The following ZFHX4 variants were observed in gnomAD, a reference collection of about 807,000 sequenced individuals.
ZFHX4 encodes the protein zinc finger homeobox 4.
ZFHX4 carries 56 observed loss-of-function variants against 267.6 expected under a neutral mutation model. The ratio of observed to expected loss-of-function variants is 0.21; its 90% confidence interval spans 0.17 to 0.26. The LOEUF is 0.26. Ranked by LOEUF, ZFHX4 falls within the 10% of genes least tolerant of loss-of-function variation. The pLI is 1.00. For synonymous variants in ZFHX4, 1,778 were observed against 1,665.6 expected, an observed-to-expected ratio of 1.07 and a Z score of -1.64; for missense variants, 4,332 against 4,420.0, an observed-to-expected ratio of 0.98 and a Z score of 0.56.
In ZFHX4 at chr8:76,704,284, G is replaced by C. The variant is rs56261025; in HGVS notation, c.196G>C (p.Val66Leu). 0.039 allele frequency: 63,399 copies of C among 1,613,926 alleles called. 1,459 individuals are homozygous for C. The highest frequency in any genetic ancestry group is 0.046 in the Non-Finnish European group (54,059 of 1,179,884). Residue 66 changes from valine (V) to leucine (L), a missense_variant, in exon 2 of 11, where the codon GTT becomes CTT. Coordinates refer to ENST00000651372, the MANE Select transcript of ZFHX4 (RefSeq NM_024721.5). ...RKSEALLGFS[V>L]ENAAATQVTS... ...AAGTGAAGCCTTGCTGGGTTTCAGC[G>C]TTGAGAATGCAGCTGCCACTCAGGT...
At chr8:76,751,959 G>T (rs1043252357) in intron 3 of ZFHX4, among the ~76,000 whole-genome samples, 8 of 152,118 alleles carry the variant, frequency 5.3e-5, no homozygotes, top group African/African-American at 1.9e-4. Flanking sequence ...AATGCTGAGA[G>T]TATATCTCAG....
Position 76,681,369 on chromosome 8 carries a change from C to T in ZFHX4, c.-298C>T. On this transcript the variant is annotated 5_prime_UTR_variant, in exon 1 of 11. Coordinates refer to ENST00000651372, the MANE Select transcript of ZFHX4 (RefSeq NM_024721.5). ...CCTTTCCTCCTTTTCCCAACCCCTT[C>T]ACAACCAAACAGCGAGACCGCGGTC... The T allele has an allele frequency of 5.0e-6, 2 of 398,988 alleles. No homozygotes were observed. The highest frequency in any genetic ancestry group is 8.8e-6 in the Non-Finnish European group (2 of 226,070). The allele number at this position is 398,988 out of a possible 1,614,324, so 24.7% of individuals were successfully genotyped here.
intron 3 of ZFHX4, among the ~76,000 whole-genome samples, chr8:76,770,772 C>T (rs925749518): frequency 3.9e-5 from 6 of 152,120 alleles, no homozygotes; most frequent in African/African-American, 1.4e-4. Context: ...AGGAGTAAGA[C>T]AGGTGAAGGG....
At chr8:76,728,485 C>A (rs1293995959) in intron 3 of ZFHX4, among the ~76,000 whole-genome samples, 3 of 152,146 alleles carry the variant, frequency 2.0e-5, no homozygotes, top group African/African-American at 7.2e-5. Context: ...TAAGAAATGG[C>A]CAAGAGGCAG....
intron 4 of ZFHX4, among the ~76,000 whole-genome samples, chr8:76,792,820 C>T (rs1269714440): frequency 6.6e-6 from 1 of 152,036 alleles, no homozygotes; most frequent in Non-Finnish European, 1.5e-5. Context: ...CTTTTTTTGA[C>T]ACCCCTGCCA....
rs138752424 is a variant in ZFHX4, at chr8:76,781,449, G to A, written c.3325+3010G>A. Reference sequence around the variant, plus strand: ...TACTATAGGACTGGGTCTTCAAAACGACAAAACAACCAATCATCAACTTGG... The same window carrying A: ...TACTATAGGACTGGGTCTTCAAAACAACAAAACAACCAATCATCAACTTGG... On this transcript the variant is annotated intron_variant, in intron 4 of 10. Coordinates refer to ENST00000651372, the MANE Select transcript of ZFHX4 (RefSeq NM_024721.5). Among the ~76,000 whole-genome samples, 71 of 151,984 alleles carry A rather than the reference G, an allele frequency of 4.7e-4. No homozygotes were observed. The East Asian group carries it at 0.012, about 26-fold the overall frequency.
At chr8:76,689,690 T>C (rs1321916553) in intron 1 of ZFHX4, among the ~76,000 whole-genome samples, 3 of 152,214 alleles carry the variant, frequency 2.0e-5, no homozygotes, top group Non-Finnish European at 4.4e-5. Context: ...CCTTGAAAGT[T>C]TGATATGGTT....
chr8:76,735,644 G>A (rs1809139423), intron 3 of ZFHX4, among the ~76,000 whole-genome samples: 1 of 152,068 alleles, frequency 6.6e-6, no homozygotes, highest in African/African-American at 2.4e-5. Context: ...GTTTATTGTA[G>A]TCAGAAAAAT....
Position 76,708,400 on chromosome 8 carries a change from G to A in ZFHX4, c.3093+352G>A, listed in dbSNP as rs375034527. 70 of 232,516 alleles carry A rather than the reference G, an allele frequency of 3.0e-4. No homozygotes were observed. The East Asian group carries it at 7.3e-3, about 24-fold the overall frequency. The allele number at this position is 232,516 out of a possible 1,614,324, so 14.4% of individuals were successfully genotyped here. A position where few individuals can be genotyped will look rare whatever the true frequency, so the allele number is the denominator to read the frequency against. On this transcript the variant is annotated intron_variant, in intron 3 of 10. Coordinates refer to ENST00000651372, the MANE Select transcript of ZFHX4 (RefSeq NM_024721.5). ...AACCTAGCACCACTCTTGGCTAAAT[G>A]TAAATGGTTACAGGGAGCAGAAGAC...
intron 3 of ZFHX4, among the ~76,000 whole-genome samples, chr8:76,734,655 A>T (rs1244179362): frequency 6.6e-6 from 1 of 152,146 alleles, no homozygotes; most frequent in African/African-American, 2.4e-5. Context: ...TTTTAAGATG[A>T]TTAGACCTCT....
At chr8:76,713,500 A>G (rs966775396) in intron 3 of ZFHX4, among the ~76,000 whole-genome samples, 10 of 152,236 alleles carry the variant, frequency 6.6e-5, no homozygotes, top group African/African-American at 2.4e-4. Flanking sequence ...TATTTTCTGT[A>G]TGTCTTTTCT....
At chr8:76,703,086 C>G (rs762326146) in intron 1 of ZFHX4, among the ~76,000 whole-genome samples, 2 of 151,932 alleles carry the variant, frequency 1.3e-5, no homozygotes, top group Non-Finnish European at 2.9e-5. Flanking sequence ...TGGAGTGCAT[C>G]TTGTCCTCAA....
intron 4 of ZFHX4, among the ~76,000 whole-genome samples, chr8:76,794,516 A>T (rs1183820285): frequency 1.3e-5 from 2 of 152,240 alleles, no homozygotes; most frequent in Admixed American, 1.3e-4. Context: ...TTAAGTTACA[A>T]ATTTTGGCTT....
chr8:76,702,434 A>G (rs886085477), intron 1 of ZFHX4, among the ~76,000 whole-genome samples: 4 of 152,188 alleles, frequency 2.6e-5, no homozygotes, highest in South Asian at 2.1e-4. Context: ...GCTATTCTTT[A>G]TACTTCATAT....
At chr8:76,830,546 C>A (rs1483810) in intron 4 of ZFHX4, among the ~76,000 whole-genome samples, 84,088 of 151,956 alleles carry the variant, frequency 0.55, 24,601 homozygotes, top group African/African-American at 0.75. Flanking sequence ...AATATAGATT[C>A]ATCATTTCAT....
At chr8:76,748,511 T>A (rs961234410) in intron 3 of ZFHX4, among the ~76,000 whole-genome samples, 1 of 152,202 alleles carries the variant, frequency 6.6e-6, no homozygotes, top group African/African-American at 2.4e-5. Flanking sequence ...CACAACTGAC[T>A]GTAGCCTCCA....
intron 3 of ZFHX4, among the ~76,000 whole-genome samples, chr8:76,762,896 A>G (rs544870678): frequency 6.6e-6 from 1 of 152,328 alleles, no homozygotes; most frequent in South Asian, 2.1e-4. Flanking sequence ...ATGAACATAA[A>G]GAGGAAGATA....
At chr8:76,718,935 T>TCA (rs34486060) in intron 3 of ZFHX4, among the ~76,000 whole-genome samples, 13,653 of 141,182 alleles carry the variant, frequency 0.097, 790 homozygotes, top group African/African-American at 0.18. Flanking sequence ...CTGAAATTGA[T>TCA]CACACACACA....
At chr8:76,697,153 T>C (rs931718633) in intron 1 of ZFHX4, among the ~76,000 whole-genome samples, 2 of 152,128 alleles carry the variant, frequency 1.3e-5, no homozygotes, top group South Asian at 2.1e-4. Flanking sequence ...GAAATAATTA[T>C]ACAATTGTTT....
Sources: gnomAD v4.1 joint callset for allele counts (sites outside exome capture counted in the v4.1 genomes callset) on GRCh38, gnomAD v4.1.1 for gene constraint, MANE v1.5 for transcripts, NCBI Gene and HGNC (gene_info 2026-07-23, HGNC 2026-07-21) for gene names.